Variants in CHST9 observed in about 807,000 individuals in gnomAD.
CHST9 encodes the protein GalNAc-4-sulfotransferase 2.
In CHST9, 41 loss-of-function variants were observed where a neutral mutation model predicts 44.4. The observed-to-expected ratio is 0.92, with a 90% CI of 0.72 to 1.20. The LOEUF (loss-of-function observed/expected upper bound fraction) is 1.20, where lower values mean the gene tolerates loss of function less well. Among genes scored for constraint, CHST9 ranks in the 50% most tolerant of loss-of-function variants. The probability of loss-of-function intolerance (pLI) is 0.00; values close to 1 mark genes in which losing one functional copy is unlikely to be tolerated. For synonymous variants in CHST9, 171 were observed against 178.4 expected (o/e 0.96, Z 0.33); for missense variants, 504 against 516.5 (o/e 0.98, Z 0.23).
At chr18:27,132,163 A>G (rs2143838563) in intron 2 of CHST9, among the ~76,000 whole-genome samples, 1 of 152,332 alleles carries the variant, frequency 6.6e-6, no homozygotes, top group East Asian at 1.9e-4. Flanking sequence ...AGTTTTTTCA[A>G]TTAACATCTC....
At chr18:27,012,922 T>A (rs1316405843) in intron 4 of CHST9, among the ~76,000 whole-genome samples, 5 of 152,234 alleles carry the variant, frequency 3.3e-5, no homozygotes, top group Non-Finnish European at 1.5e-5. Flanking sequence ...TTTAATACAC[T>A]GTACATAGGA....
At chr18:27,121,197 G>T (rs1279939721) in intron 2 of CHST9, among the ~76,000 whole-genome samples, 2 of 152,012 alleles carry the variant, frequency 1.3e-5, no homozygotes, top group East Asian at 3.9e-4. Context: ...TTGAGACAGG[G>T]TCTCACTATG....
chr18:27,046,750 T>G (rs2057505452), intron 3 of CHST9, among the ~76,000 whole-genome samples: 1 of 152,026 alleles, frequency 6.6e-6, no homozygotes, highest in African/African-American at 2.4e-5. Flanking sequence ...ATGGCGTGAT[T>G]TGTTGTCATT....
intron 4 of CHST9, among the ~76,000 whole-genome samples, chr18:26,954,845 C>T (rs1264962548): frequency 6.6e-6 from 1 of 151,970 alleles, no homozygotes; most frequent in Non-Finnish European, 1.5e-5. Flanking sequence ...CTCCTTGAGG[C>T]CAGGGACTAC....
rs1221986528 is a variant in CHST9, at chr18:27,041,351, C to T, written c.160+7114G>A. On this transcript the variant is annotated intron_variant, in intron 3 of 5. Coordinates refer to ENST00000618847, the MANE Select transcript of CHST9 (RefSeq NM_031422.6). ...TAACACCAACTATGAAATTATTCTC[C>T]ACTTCCTCTTCTGGGTAAAAGAAAC... Among the ~76,000 whole-genome samples, 4 of 152,078 alleles carry T rather than the reference C, an allele frequency of 2.6e-5. No individual in the cohort carries two copies. In the East Asian group the frequency reaches 5.8e-4, roughly 22 times the overall value.
chr18:27,053,589 T>C (rs2057615071), intron 2 of CHST9, among the ~76,000 whole-genome samples: 1 of 152,222 alleles, frequency 6.6e-6, no homozygotes, highest in Non-Finnish European at 1.5e-5. Context: ...TATGGGCTCC[T>C]AACTTGTTTG....
In CHST9 at chr18:26,907,093, G is replaced by A. The variant is rs996032622; in HGVS notation, c.*9166C>T. On this transcript the variant is annotated 3_prime_UTR_variant, in exon 6 of 6. Transcript: ENST00000618847. Reference sequence around the variant, plus strand: ...GAGGATGGCATTGAGGGAAATGAGAGTGGGAGAGAAGTTCAAGATTATCGT... The same window carrying A: ...GAGGATGGCATTGAGGGAAATGAGAATGGGAGAGAAGTTCAAGATTATCGT... The A allele has an allele frequency of 6.6e-6, 1 of 152,332 alleles. No individual in the cohort carries two copies. Among genetic ancestry groups the A allele is most frequent in the African/African-American group, 2.4e-5 (1 of 41,442 alleles). The allele number at this position is 152,332 out of a possible 1,614,324, so 9.4% of individuals were successfully genotyped here.
chr18:27,168,381 A>G (rs1007586823), intron 1 of CHST9, among the ~76,000 whole-genome samples: 6 of 152,116 alleles, frequency 3.9e-5, no homozygotes, highest in Admixed American at 3.3e-4. Flanking sequence ...GCCTATACCT[A>G]TGTTTTATGA....
chr18:27,042,046 T>C (rs766712526), intron 3 of CHST9, among the ~76,000 whole-genome samples: 1 of 152,076 alleles, frequency 6.6e-6, no homozygotes, highest in African/African-American at 2.4e-5. Flanking sequence ...GCAAACATGC[T>C]GGAGATGGAT....
rs373316106 is a variant in CHST9, at chr18:26,913,184, T to A, written c.*3075A>T. On this transcript the variant is annotated 3_prime_UTR_variant, in exon 6 of 6. Coordinates refer to ENST00000618847, the MANE Select transcript of CHST9 (RefSeq NM_031422.6). ...ACATTTTAGGAGATAAGAATAATAA[T>A]ACATCAATAAAATGTAAAAGTATTT... is the stretch of plus-strand genomic sequence containing the variant. 7.2e-5 allele frequency: 11 copies of A among 152,346 alleles called. No homozygotes were observed. The East Asian group carries it at 1.9e-3, about 27-fold the overall frequency. 9.4% of individuals were successfully genotyped at this position (152,346 alleles called of 1,614,324 possible).
At chr18:27,107,330 C>T (rs866440526) in intron 2 of CHST9, among the ~76,000 whole-genome samples, 1 of 152,134 alleles carries the variant, frequency 6.6e-6, no homozygotes, top group African/African-American at 2.4e-5. Context: ...TAGGAAAGAA[C>T]AGAGCTGATG....
intron 4 of CHST9, among the ~76,000 whole-genome samples, chr18:26,979,599 T>C (rs1340948095): frequency 6.6e-6 from 1 of 152,156 alleles, no homozygotes; most frequent in East Asian, 1.9e-4. Context: ...TTTCTGCCAC[T>C]AGAATCCATC....
rs371436190 is a variant in CHST9 at position 27,140,337 on chromosome 18, T to C, written c.121+2352A>G. 6.5e-4 allele frequency among the ~76,000 whole-genome samples: 99 copies of C among 152,282 alleles called. 1 individual carries two copies. Among genetic ancestry groups the C allele is most frequent in the Middle Eastern group, 3.4e-3 (1 of 294 alleles). On this transcript the variant is annotated intron_variant, in intron 2 of 5. Coordinates refer to ENST00000618847, the MANE Select transcript of CHST9 (RefSeq NM_031422.6). The stretch of plus-strand genomic sequence containing the variant: ...AGTAAGATATGAGGATTACAGAAAA[T>C]TTATGTAAACATTTGGCACTTATTA...
chr18:26,960,067 T>C (rs2056379984), intron 4 of CHST9, among the ~76,000 whole-genome samples: 1 of 152,068 alleles, frequency 6.6e-6, no homozygotes, highest in Non-Finnish European at 1.5e-5. Context: ...TTTAAAGAAG[T>C]AAGTTTGGTG....
At chr18:27,010,167 A>C (rs994084107) in intron 4 of CHST9, among the ~76,000 whole-genome samples, 4 of 152,128 alleles carry the variant, frequency 2.6e-5, no homozygotes, top group African/African-American at 7.2e-5. Flanking sequence ...ATATGAAGTA[A>C]ATTTATTTAA....
At chr18:27,141,261 A>AG (rs1443482838) in intron 2 of CHST9, among the ~76,000 whole-genome samples, 8 of 152,054 alleles carry the variant, frequency 5.3e-5, no homozygotes, top group Non-Finnish European at 1.2e-4. Context: ...GCTACTTGGG[A>AG]GGCTGAGGCA....
At chr18:26,956,383 T>C (rs920320186) in intron 4 of CHST9, among the ~76,000 whole-genome samples, 3 of 146,476 alleles carry the variant, frequency 2.0e-5, no homozygotes, top group South Asian at 2.1e-4. Flanking sequence ...TATACATATA[T>C]CATATATAAT....
chr18:27,182,353 G>A (rs930209717), intron 1 of CHST9, among the ~76,000 whole-genome samples: 3 of 152,012 alleles, frequency 2.0e-5, no homozygotes, highest in East Asian at 1.9e-4. Flanking sequence ...GAATCTTAAC[G>A]CTTTCAGGGA....
At chr18:27,110,252 T>C (rs1329815042) in intron 2 of CHST9, among the ~76,000 whole-genome samples, 3 of 152,074 alleles carry the variant, frequency 2.0e-5, no homozygotes, top group Non-Finnish European at 4.4e-5. Flanking sequence ...AAATATTTCC[T>C]CCTGTTTGAC....
Sources: allele counts gnomAD v4.1 joint callset (sites outside exome capture counted in the v4.1 genomes callset), GRCh38; gene constraint gnomAD v4.1.1; transcripts MANE v1.5; gene names NCBI Gene and HGNC (gene_info 2026-07-23, HGNC 2026-07-21).